Variants in PTPRT observed in about 807,000 individuals in gnomAD.
PTPRT encodes the protein receptor-type tyrosine-protein phosphatase T.
PTPRT carries 56 observed loss-of-function variants against 176.8 expected under a neutral mutation model. That is an observed-to-expected ratio of 0.32 (90% CI 0.26 to 0.40). PTPRT has a LOEUF of 0.40. PTPRT is among the 10% of genes least tolerant of loss of function. The pLI is 1.00. For synonymous variants in PTPRT, 783 were observed against 739.0 expected (o/e 1.06, Z -0.96); for missense variants, 1,540 against 1,908.2 (o/e 0.81, Z 3.60).
chr20:42,102,893 C>G (rs1034628845), intron 25 of PTPRT, among the ~76,000 whole-genome samples: 5 of 152,354 alleles, frequency 3.3e-5, no homozygotes, highest in Admixed American at 2.6e-4. Flanking sequence ...CTGAACTGCT[C>G]TAGCCAATGG....
At chr20:42,983,406 AAC>A (rs1352575629) in intron 1 of PTPRT, among the ~76,000 whole-genome samples, 1 of 152,114 alleles carries the variant, frequency 6.6e-6, no homozygotes, top group Non-Finnish European at 1.5e-5. Context: ...TCCCTTAATC[AAC>A]CCCAGGAAGC....
intron 1 of PTPRT, among the ~76,000 whole-genome samples, chr20:43,131,563 T>G (rs77917123): frequency 0.035 from 5,351 of 152,314 alleles, 326 homozygotes; most frequent in African/African-American, 0.12. Flanking sequence ...TTTCTATTTC[T>G]TTTAAGTATC....
At chr20:42,678,651 T>G (rs533721328) in intron 6 of PTPRT, among the ~76,000 whole-genome samples, 2 of 152,328 alleles carry the variant, frequency 1.3e-5, no homozygotes, top group South Asian at 4.1e-4. Flanking sequence ...AGGGTTTGCA[T>G]GTAAGTACCT....
intron 2 of PTPRT, among the ~76,000 whole-genome samples, chr20:42,816,504 G>C (rs1251068420): frequency 1.3e-5 from 2 of 152,174 alleles, no homozygotes; most frequent in Admixed American, 6.5e-5. Flanking sequence ...ATCCCTACAT[G>C]TAGAAGGAGG....
chr20:42,922,143 C>A (rs902347650), intron 1 of PTPRT, among the ~76,000 whole-genome samples: 1 of 152,134 alleles, frequency 6.6e-6, no homozygotes, highest in Non-Finnish European at 1.5e-5. Flanking sequence ...GCTATATTGG[C>A]CAGGCTGATC....
At chr20:42,404,987 T>TATATATATATATATATATATATATAC (rs1555843282) in intron 9 of PTPRT, among the ~76,000 whole-genome samples, 45 of 135,894 alleles carry the variant, frequency 3.3e-4, no homozygotes, top group African/African-American at 1.0e-3. Flanking sequence ...TATATATATA[T>TATATATATATATATATATATATATAC]ACACACACAC....
intron 1 of PTPRT, among the ~76,000 whole-genome samples, chr20:43,134,989 T>A (rs2013777679): frequency 6.6e-6 from 1 of 152,136 alleles, no homozygotes; most frequent in Non-Finnish European, 1.5e-5. Context: ...ACCGCCACCA[T>A]TCCCAGCTGC....
At chr20:42,429,235 A>G (rs2059194114) in intron 9 of PTPRT, among the ~76,000 whole-genome samples, 1 of 152,178 alleles carries the variant, frequency 6.6e-6, no homozygotes, top group Non-Finnish European at 1.5e-5. Flanking sequence ...TACATGGTAA[A>G]GATAATGGGG....
At chr20:42,363,143 T>A (rs549059391) in intron 9 of PTPRT, among the ~76,000 whole-genome samples, 179 of 145,578 alleles carry the variant, frequency 1.2e-3, no homozygotes, top group African/African-American at 2.0e-3. Context: ...AATATTTTTT[T>A]TAAAAAAAAG....
intron 1 of PTPRT, among the ~76,000 whole-genome samples, chr20:43,102,284 T>TCTCTCACA (rs138696752): frequency 1.4e-5 from 2 of 140,452 alleles, no homozygotes; most frequent in African/African-American, 5.3e-5. Flanking sequence ...CACTCACACA[T>TCTCTCACA]CACACACACA....
At chr20:42,692,943 C>T (rs577027554) in intron 6 of PTPRT, among the ~76,000 whole-genome samples, 2 of 152,048 alleles carry the variant, frequency 1.3e-5, no homozygotes, top group South Asian at 2.1e-4. Flanking sequence ...AAACTAGGTA[C>T]CACAATAATT....
intron 15 of PTPRT, among the ~76,000 whole-genome samples, chr20:42,204,664 C>T (rs984611942): frequency 6.6e-6 from 1 of 152,136 alleles, no homozygotes; most frequent in Admixed American, 6.5e-5. Flanking sequence ...CTCTGACCTT[C>T]GCTTGTTAGC....
chr20:42,880,116 G>A (rs949392382), intron 2 of PTPRT, among the ~76,000 whole-genome samples: 2 of 152,116 alleles, frequency 1.3e-5, no homozygotes, highest in Non-Finnish European at 2.9e-5. Context: ...GCAGGCCCGG[G>A]GGGGTTTGTG....
intron 12 of PTPRT, among the ~76,000 whole-genome samples, chr20:42,298,949 G>A (rs1274548870): frequency 2.6e-5 from 4 of 151,378 alleles, no homozygotes; most frequent in Admixed American, 1.3e-4. Context: ...AAAACAAAGA[G>A]TACTGTGCAG....
chr20:42,632,704 TAA>T (rs1273099192), intron 7 of PTPRT, among the ~76,000 whole-genome samples: 1 of 150,296 alleles, frequency 6.7e-6, no homozygotes, highest in Non-Finnish European at 1.5e-5. Flanking sequence ...TTTACTATAT[TAA>T]TATATATCTT....
chr20:42,212,301 TAA>T lies in PTPRT; in HGVS notation c.2343-12915_2343-12914del, dbSNP rs763081026. 8.7e-4 allele frequency among the ~76,000 whole-genome samples: 46 copies of T among 52,970 alleles called. 1 individual carries two copies. Among genetic ancestry groups the T allele is most frequent in the African/African-American group, 1.4e-3 (28 of 20,206 alleles). The allele number at this position is 52,970 out of a possible 152,430, so 34.8% of individuals were successfully genotyped here. Reference sequence around the variant, plus strand: ...CACATGTACCCTAAAACTTAAAGTATAAAAAAAAAAAAAAGACAAAAAAAAAA... The same window carrying T: ...CACATGTACCCTAAAACTTAAAGTATAAAAAAAAAAAAGACAAAAAAAAAA... On this transcript the variant is annotated intron_variant, in intron 15 of 30. Coordinates refer to ENST00000373187, the MANE Select transcript of PTPRT (RefSeq NM_007050.6).
At chr20:42,589,114 C>T (rs989788933) in intron 7 of PTPRT, among the ~76,000 whole-genome samples, 2 of 152,192 alleles carry the variant, frequency 1.3e-5, no homozygotes, top group Non-Finnish European at 2.9e-5. Context: ...CAATTAAATG[C>T]TGTCATTGAG....
intron 1 of PTPRT, among the ~76,000 whole-genome samples, chr20:42,896,076 A>C (rs1223399282): frequency 6.6e-6 from 1 of 151,666 alleles, no homozygotes; most frequent in Non-Finnish European, 1.5e-5. Flanking sequence ...CTAGCTCTTT[A>C]GATTTAATTA....
At chr20:42,903,455 CAAGTA>C (rs2079432437) in intron 1 of PTPRT, among the ~76,000 whole-genome samples, 2 of 152,180 alleles carry the variant, frequency 1.3e-5, no homozygotes, top group African/African-American at 4.8e-5. Context: ...TTAATTACAT[CAAGTA>C]AAGACTAGGG....
Sources: gnomAD v4.1 joint callset for allele counts (sites outside exome capture counted in the v4.1 genomes callset) on GRCh38, gnomAD v4.1.1 for gene constraint, MANE v1.5 for transcripts, NCBI Gene and HGNC (gene_info 2026-07-23, HGNC 2026-07-21) for gene names.